SLC35F1: variants seen among roughly 807,000 people sequenced by gnomAD.
SLC35F1 encodes the protein solute carrier family 35 member F1.
In SLC35F1, 14 loss-of-function variants were observed where a neutral mutation model predicts 48.7. The observed-to-expected ratio is 0.29, with a 90% CI of 0.19 to 0.45. The LOEUF (loss-of-function observed/expected upper bound fraction) is 0.45, where lower values mean the gene tolerates loss of function less well. SLC35F1 is among the 20% of genes least tolerant of loss of function. The probability of loss-of-function intolerance (pLI) is 1.00; values close to 1 mark genes in which losing one functional copy is unlikely to be tolerated. For missense variants in SLC35F1, 404 were observed against 500.0 expected, an observed-to-expected ratio of 0.81 and a Z score of 1.83; for synonymous variants, 190 against 202.2, an observed-to-expected ratio of 0.94 and a Z score of 0.51.
intron 7 of SLC35F1, among the ~76,000 whole-genome samples, chr6:118,305,461 C>G (rs1379292563): frequency 6.6e-6 from 1 of 152,066 alleles, no homozygotes; most frequent in Non-Finnish European, 1.5e-5. Flanking sequence ...CAAGTCCATC[C>G]CTTTTCAACT....
intron 1 of SLC35F1, among the ~76,000 whole-genome samples, chr6:118,061,661 C>T (rs777464847): frequency 3.3e-5 from 5 of 151,494 alleles, no homozygotes; most frequent in Admixed American, 1.3e-4. Flanking sequence ...TGGGACTTCT[C>T]GTCATAGTTT....
intron 1 of SLC35F1, among the ~76,000 whole-genome samples, chr6:118,146,533 A>T (rs1014215520): frequency 1.3e-5 from 2 of 152,198 alleles, no homozygotes; most frequent in Non-Finnish European, 2.9e-5. Flanking sequence ...ACTCAAAACT[A>T]TGTTCTCTAG....
intron 3 of SLC35F1, among the ~76,000 whole-genome samples, chr6:118,263,680 G>A (rs1775739096): frequency 2.6e-5 from 4 of 151,954 alleles, no homozygotes; most frequent in Admixed American, 2.6e-4. Context: ...AGGAGTTTTT[G>A]TTTGTTTGTT....
At chr6:118,306,853 G>A (rs1776317756) in intron 7 of SLC35F1, among the ~76,000 whole-genome samples, 1 of 152,162 alleles carries the variant, frequency 6.6e-6, no homozygotes, top group African/African-American at 2.4e-5. Context: ...TCCATTTTTA[G>A]CTCCCGATTG....
At chr6:118,245,608 G>A (rs1250979287) in intron 3 of SLC35F1, among the ~76,000 whole-genome samples, 2 of 152,124 alleles carry the variant, frequency 1.3e-5, no homozygotes, top group African/African-American at 2.4e-5. Context: ...CTCCAGATGT[G>A]AATGCATTTG....
chr6:118,107,434 A>C (rs1344546591), intron 1 of SLC35F1, among the ~76,000 whole-genome samples: 1 of 152,210 alleles, frequency 6.6e-6, no homozygotes, highest in Non-Finnish European at 1.5e-5. Flanking sequence ...GAACATATGC[A>C]GAATCTTCTT....
At chr6:118,175,687 T>A (rs1774477327) in intron 2 of SLC35F1, among the ~76,000 whole-genome samples, 1 of 152,090 alleles carries the variant, frequency 6.6e-6, no homozygotes, top group Non-Finnish European at 1.5e-5. Context: ...ATGGGAACAC[T>A]TCCAGCAAAT....
chr6:118,154,366 G>T, intron 1 of SLC35F1, 79 bp from the exon 2 acceptor site: 2 of 1,288,756 alleles, frequency 1.6e-6, no homozygotes, highest in South Asian at 1.5e-5. Context: ...TGCTACCAGT[G>T]CTCAAAAAGT....
intron 2 of SLC35F1, among the ~76,000 whole-genome samples, chr6:118,228,947 T>C (rs1455760937): frequency 6.6e-6 from 1 of 151,104 alleles, no homozygotes; most frequent in Non-Finnish European, 1.5e-5. Flanking sequence ...ATAACGCAGC[T>C]TCTTGTCCCC....
In SLC35F1 at chr6:117,931,190, C is replaced by G. The variant is rs576524144; in HGVS notation, c.173+23291C>G. On this transcript the variant is annotated intron_variant, in intron 1 of 7. Transcript: ENST00000360388. ...TTTTGTTATGCTTATAATTGTGCCT[C>G]TATCATATATAAGAACTTAGGTCTC... Among the ~76,000 whole-genome samples, 7 of 152,208 alleles carry G rather than the reference C, an allele frequency of 4.6e-5. No individual in the cohort carries two copies. The South Asian group carries it at 1.5e-3, about 32-fold the overall frequency.
chr6:118,304,062 T>A (rs283058), intron 7 of SLC35F1, among the ~76,000 whole-genome samples: 17,801 of 152,172 alleles, frequency 0.12, 1,405 homozygotes, highest in African/African-American at 0.22. Flanking sequence ...GGTGGACTAT[T>A]TTTCAGCCTA....
intron 2 of SLC35F1, among the ~76,000 whole-genome samples, chr6:118,169,179 A>G (rs990613236): frequency 3.3e-5 from 5 of 152,236 alleles, no homozygotes; most frequent in Non-Finnish European, 5.9e-5. Context: ...GTTTTCAGAA[A>G]GTATCACAGG....
intron 4 of SLC35F1, among the ~76,000 whole-genome samples, chr6:118,270,160 C>T (rs1490585178): frequency 6.6e-6 from 1 of 152,184 alleles, no homozygotes; most frequent in African/African-American, 2.4e-5. Flanking sequence ...ACAATTCTGT[C>T]TCCAAGCACA....
intron 2 of SLC35F1, among the ~76,000 whole-genome samples, chr6:118,221,217 C>T (rs541324155): frequency 3.3e-5 from 5 of 152,132 alleles, no homozygotes; most frequent in Admixed American, 1.3e-4. Flanking sequence ...GCTACCCCAA[C>T]AAAAGGTCCT....
intron 1 of SLC35F1, among the ~76,000 whole-genome samples, chr6:117,923,763 G>GTATATATA (rs1775969946): frequency 1.7e-4 from 3 of 18,078 alleles, no homozygotes; most frequent in South Asian, 1.6e-3. Flanking sequence ...ATATACATAT[G>GTATATATA]CACATACATA....
At position 118,242,709 on chromosome 6, in the gene SLC35F1, A is replaced by G. The variant is rs1326028533; in HGVS notation, c.477+7073A>G. ...ATACTAGCTGTATGACTTCTTATCC[A>G]AAGATTATTCATCTTTTTTCAGGCA... On this transcript the variant is annotated intron_variant, in intron 3 of 7. Coordinates refer to ENST00000360388, the MANE Select transcript of SLC35F1 (RefSeq NM_001029858.4). 7.2e-5 allele frequency among the ~76,000 whole-genome samples: 11 copies of G among 152,248 alleles called. No homozygotes were observed. The East Asian group carries it at 2.1e-3, about 29-fold the overall frequency.
chr6:117,923,762 TGCAC>T (rs376478652), intron 1 of SLC35F1, among the ~76,000 whole-genome samples: 109 of 2,762 alleles, frequency 0.039, no homozygotes, highest in East Asian at 0.052. Context: ...TATATACATA[TGCAC>T]ATACATATGT....
Position 118,235,477 on chromosome 6 carries a change from C to A in SLC35F1, c.350-32C>A, listed in dbSNP as rs780135380. On this transcript the variant is annotated intron_variant, in intron 2 of 7. Transcript: ENST00000360388. ...GTACAATTTATTCTATTTCAGGAAC[C>A]TAACCCATTTCTTCTTAACTTTGTA... is the stretch of plus-strand genomic sequence containing the variant. 13 of 1,601,822 alleles carry A rather than the reference C, an allele frequency of 8.1e-6. No individual in the cohort carries two copies. The South Asian group carries it at 1.3e-4, about 17-fold the overall frequency.
chr6:117,918,185 T>G (rs1330740682), intron 1 of SLC35F1, among the ~76,000 whole-genome samples: 1 of 152,062 alleles, frequency 6.6e-6, no homozygotes, highest in African/African-American at 2.4e-5. Context: ...TTGAGAAATT[T>G]TGTCCTAACA....
Sources: allele counts gnomAD v4.1 joint callset (sites outside exome capture counted in the v4.1 genomes callset), GRCh38; gene constraint gnomAD v4.1.1; transcripts MANE v1.5; gene names NCBI Gene and HGNC (gene_info 2026-07-23, HGNC 2026-07-21).